The following RNF4 variants were observed in gnomAD, a reference collection of about 807,000 sequenced individuals.
The protein encoded by RNF4 is E3 ubiquitin-protein ligase RNF4.
In RNF4, 7 loss-of-function variants were observed where a neutral mutation model predicts 24.3. The ratio of observed to expected loss-of-function variants is 0.29; its 90% confidence interval spans 0.16 to 0.54. The LOEUF is 0.54. Among genes scored for constraint, RNF4 ranks in the 20% least tolerant of loss-of-function variants. RNF4 has a pLI of 0.95. For missense variants in RNF4, 209 were observed against 248.5 expected (o/e 0.84, Z 1.07); for synonymous variants, 83 against 84.3 (o/e 0.98, Z 0.09).
At chr4:2,478,873 T>C (rs749040653) in intron 1 of RNF4, among the ~76,000 whole-genome samples, 2 of 152,162 alleles carry the variant, frequency 1.3e-5, no homozygotes, top group South Asian at 2.1e-4. Flanking sequence ...GCCACTGTCC[T>C]CCACACCCCA....
chr4:2,510,539 C>T (rs1736242898), intron 4 of RNF4, among the ~76,000 whole-genome samples: 1 of 152,254 alleles, frequency 6.6e-6, no homozygotes, highest in African/African-American at 2.4e-5. Context: ...CCCTCAGCAG[C>T]TCAAATCGGC....
At chr4:2,470,456 A>G (rs1217777547) in intron 1 of RNF4, among the ~76,000 whole-genome samples, 1 of 152,220 alleles carries the variant, frequency 6.6e-6, no homozygotes, top group Non-Finnish European at 1.5e-5. Context: ...AGCAAGATAT[A>G]TTGCTGGCTT....
At chr4:2,500,934 C>A (rs950231120) in intron 4 of RNF4, among the ~76,000 whole-genome samples, 196 bp downstream of exon 4, 35 of 152,240 alleles carry the variant, frequency 2.3e-4, no homozygotes, top group African/African-American at 8.0e-4. Context: ...TTCATGCATT[C>A]AGTGACGAGA....
chr4:2,477,363 G>A (rs974608729), intron 1 of RNF4, among the ~76,000 whole-genome samples: 1 of 152,070 alleles, frequency 6.6e-6, no homozygotes, highest in African/African-American at 2.4e-5. Context: ...AAGGCGGGCG[G>A]ATCACGAGGT....
At chr4:2,471,458 G>T (rs894359506) in intron 1 of RNF4, among the ~76,000 whole-genome samples, 1 of 152,104 alleles carries the variant, frequency 6.6e-6, no homozygotes, top group East Asian at 1.9e-4. Context: ...ATTGAAATTA[G>T]GCCAGTCAGT....
intron 1 of RNF4, chr4:2,469,716 G>T (rs1169186302): frequency 1.3e-5 from 2 of 152,318 alleles, no homozygotes; most frequent in African/African-American, 4.8e-5. Context: ...TGCGTGGGCC[G>T]CGTGGCGGGG....
intron 2 of RNF4, chr4:2,490,772 T>G (rs1735555507): frequency 5.2e-6 from 2 of 383,484 alleles, no homozygotes; most frequent in African/African-American, 4.0e-5. Flanking sequence ...ACAACAGTTG[T>G]CAGTGTCATA....
intron 1 of RNF4, among the ~76,000 whole-genome samples, chr4:2,472,462 C>T (rs1734935084): frequency 6.6e-6 from 1 of 152,080 alleles, no homozygotes; most frequent in African/African-American, 2.4e-5. Context: ...TTAAGAAATG[C>T]ATCTTGAGGC....
chr4:2,496,104 T>G (rs111556263), intron 2 of RNF4, among the ~76,000 whole-genome samples: 1 of 152,320 alleles, frequency 6.6e-6, no homozygotes, highest in African/African-American at 2.4e-5. Flanking sequence ...CCGGAAGACA[T>G]GGCTCTTGGG....
At chr4:2,482,954 A>G (rs2108754975) in intron 1 of RNF4, among the ~76,000 whole-genome samples, 1 of 152,328 alleles carries the variant, frequency 6.6e-6, no homozygotes, top group South Asian at 2.1e-4. Context: ...TCTGGAAATG[A>G]ATAAAGCCCT....
rs145465653 is a variant in RNF4 at position 2,513,155 on chromosome 4, C to G, written c.423+24C>G. The G allele has an allele frequency of 1.9e-6, 3 of 1,609,916 alleles. No individual in the cohort carries two copies. In the African/African-American group the frequency reaches 4.0e-5, roughly 21 times the overall value. On this transcript the variant is annotated intron_variant, in intron 7 of 7. Coordinates refer to ENST00000314289, the MANE Select transcript of RNF4 (RefSeq NM_002938.5). Reference sequence around the variant, plus strand: ...AGGTAAGTAAACCAAGCTGTATCTTCCAGGCTTCTGGTTTCTAAACTTCAC... The same window carrying G: ...AGGTAAGTAAACCAAGCTGTATCTTGCAGGCTTCTGGTTTCTAAACTTCAC...
At chr4:2,490,597 C>A in intron 2 of RNF4, 95 bp downstream of exon 2, 1 of 1,314,308 alleles carries the variant, frequency 7.6e-7, no homozygotes, top group Non-Finnish European at 1.1e-6. Flanking sequence ...TCCATAATGT[C>A]ACTTCTAAGT....
chr4:2,497,173 C>A, intron 3 of RNF4, 52 bp downstream of exon 3: 1 of 1,396,100 alleles, frequency 7.2e-7, no homozygotes, highest in South Asian at 1.3e-5. Context: ...GGAGAGAGAA[C>A]ACTGTACCAG....
intron 3 of RNF4, 76 bp from the exon 4 acceptor site, chr4:2,500,583 T>C: frequency 7.0e-7 from 1 of 1,437,866 alleles, no homozygotes; most frequent in Non-Finnish European, 9.6e-7. Flanking sequence ...ACATTAGCAG[T>C]CATACTAAAG....
intron 7 of RNF4, 91 bp downstream of exon 7, chr4:2,513,222 T>C (rs1028005241): frequency 1.7e-6 from 2 of 1,210,144 alleles, no homozygotes; most frequent in African/African-American, 3.0e-5. Context: ...CTCGGTGGGA[T>C]TGGACACCCC....
chr4:2,480,185 A>G (rs763125740), intron 1 of RNF4: 7 of 151,838 alleles, frequency 4.6e-5, no homozygotes, highest in East Asian at 3.9e-4. Context: ...GGCTCAAGCA[A>G]TCCTGCCTTG....
At chr4:2,502,958 C>T (rs901350091) in intron 4 of RNF4, among the ~76,000 whole-genome samples, 4 of 152,154 alleles carry the variant, frequency 2.6e-5, no homozygotes, top group Non-Finnish European at 5.9e-5. Context: ...TTAAGTGATT[C>T]TCCCACATTA....
intron 1 of RNF4, among the ~76,000 whole-genome samples, chr4:2,474,915 T>G (rs892455309): frequency 1.3e-5 from 2 of 152,126 alleles, no homozygotes; most frequent in East Asian, 3.9e-4. Context: ...TAATCCCAGC[T>G]ACTCGGGAAG....
intron 3 of RNF4, chr4:2,499,384 C>A: frequency 2.4e-6 from 1 of 419,448 alleles, no homozygotes; most frequent in Non-Finnish European, 4.8e-6. Context: ...TCAAGCAATT[C>A]TCCTGCCTCA....
Sources: allele counts gnomAD v4.1 joint callset (sites outside exome capture counted in the v4.1 genomes callset), GRCh38; gene constraint gnomAD v4.1.1; transcripts MANE v1.5; gene names NCBI Gene and HGNC (gene_info 2026-07-23, HGNC 2026-07-21).